Variants in FHIP1A observed in about 807,000 individuals in gnomAD.
FHIP1A encodes FHF complex subunit HOOK-interacting protein 1A.
A neutral mutation model predicts 88.6 loss-of-function variants in FHIP1A; 61 were observed. That is an observed-to-expected ratio of 0.69 (90% CI 0.56 to 0.85). The LOEUF (loss-of-function observed/expected upper bound fraction) is 0.85. Among genes scored for constraint, FHIP1A ranks in the 40% least tolerant of loss-of-function variants. The pLI, the probability that FHIP1A is intolerant of heterozygous loss-of-function variation, is 0.00. For synonymous variants in FHIP1A, 478 were observed against 496.0 expected, an observed-to-expected ratio of 0.96 and a Z score of 0.48; for missense variants, 1,154 against 1,273.5, an observed-to-expected ratio of 0.91 and a Z score of 1.43.
chr4:151,518,242 T>A (rs1731320426), intron 3 of FHIP1A, among the ~76,000 whole-genome samples: 1 of 152,202 alleles, frequency 6.6e-6, no homozygotes, highest in Non-Finnish European at 1.5e-5. Context: ...TTTACCATCA[T>A]GTTACAGTTG....
intron 3 of FHIP1A, among the ~76,000 whole-genome samples, chr4:151,538,267 G>A (rs1732144598): frequency 1.3e-5 from 2 of 152,160 alleles, no homozygotes; most frequent in Non-Finnish European, 2.9e-5. Context: ...TTCTTCAGTT[G>A]TAGAATGAGG....
intron 11 of FHIP1A, among the ~76,000 whole-genome samples, chr4:151,655,991 A>G (rs1737216740): frequency 2.0e-5 from 3 of 152,258 alleles, no homozygotes; most frequent in South Asian, 4.2e-4. Context: ...AAGTATCAAA[A>G]CTGCTCATGG....
At chr4:151,581,397 T>C (rs1197919748) in intron 5 of FHIP1A, among the ~76,000 whole-genome samples, 1 of 152,246 alleles carries the variant, frequency 6.6e-6, no homozygotes, top group Admixed American at 6.5e-5. Flanking sequence ...CACTTGGTGA[T>C]GGGTTTCTAT....
Position 151,664,771 on chromosome 4 carries a change from C to T in FHIP1A, c.*2017C>T, listed in dbSNP as rs905313949. On this transcript the variant is annotated 3_prime_UTR_variant, in exon 14 of 14. Transcript: ENST00000435205. ...TTGGACTTACAAAGTCATAAAATGC[C>T]AACGCCACATCTGTAAATGGAATTC... Among the ~76,000 whole-genome samples, 2 of 152,164 alleles carry T rather than the reference C, an allele frequency of 1.3e-5. No individual in the cohort carries two copies. The highest frequency in any genetic ancestry group is 2.9e-5 in the Non-Finnish European group (2 of 68,020).
intron 4 of FHIP1A, among the ~76,000 whole-genome samples, chr4:151,566,747 T>G (rs1733403594): frequency 2.0e-5 from 3 of 152,216 alleles, no homozygotes. Flanking sequence ...TACACATTTA[T>G]TAAACATTTA....
intron 3 of FHIP1A, among the ~76,000 whole-genome samples, chr4:151,540,526 C>T (rs1043309874): frequency 6.6e-6 from 1 of 152,090 alleles, no homozygotes; most frequent in Non-Finnish European, 1.5e-5. Context: ...AAAAATTTCT[C>T]ATTAAGTGGT....
intron 7 of FHIP1A, among the ~76,000 whole-genome samples, chr4:151,611,099 G>T (rs1015604628): frequency 6.6e-6 from 1 of 152,150 alleles, no homozygotes; most frequent in Non-Finnish European, 1.5e-5. Flanking sequence ...GTGTGTGTGT[G>T]TATGTAGCTA....
intron 3 of FHIP1A, among the ~76,000 whole-genome samples, chr4:151,515,615 C>T (rs1330916923): frequency 3.9e-5 from 6 of 152,148 alleles, no homozygotes; most frequent in Non-Finnish European, 7.4e-5. Context: ...TCTCAGGATA[C>T]AAAATCAATG....
At chr4:151,620,957 A>T (rs988217824) in intron 7 of FHIP1A, among the ~76,000 whole-genome samples, 7 of 151,432 alleles carry the variant, frequency 4.6e-5, no homozygotes, top group African/African-American at 1.7e-4. Context: ...AAATGCAGAG[A>T]GTGGAGGGAA....
intron 3 of FHIP1A, among the ~76,000 whole-genome samples, chr4:151,536,665 T>A (rs1407753593): frequency 6.6e-6 from 1 of 152,228 alleles, no homozygotes; most frequent in Non-Finnish European, 1.5e-5. Context: ...CTGAGTGGTA[T>A]TTCATGGTAT....
chr4:151,538,762 G>GT (rs1732162350), intron 3 of FHIP1A, among the ~76,000 whole-genome samples: 1 of 152,200 alleles, frequency 6.6e-6, no homozygotes, highest in Non-Finnish European at 1.5e-5. Flanking sequence ...ACTGGGGTCA[G>GT]GCGGATGTGA....
In FHIP1A at chr4:151,647,736, A is replaced by AT. The variant is rs1298430853; in HGVS notation, c.1417+994dup. Among the ~76,000 whole-genome samples the AT allele has an allele frequency of 3.3e-5, 5 of 152,300 alleles. No individual in the cohort carries two copies. The East Asian group carries it at 9.6e-4, about 29-fold the overall frequency. On this transcript the variant is annotated intron_variant, in intron 10 of 13. Coordinates refer to ENST00000435205, the MANE Select transcript of FHIP1A (RefSeq NM_001109977.3). ...TCTTATATTTTCATACCTAAAAGTT[A>AT]TTTTTTAAAACATATTTAAAAATTG...
chr4:151,412,472 G>A (rs1005205195), intron 1 of FHIP1A, among the ~76,000 whole-genome samples: 1 of 152,038 alleles, frequency 6.6e-6, no homozygotes, highest in African/African-American at 2.4e-5. Flanking sequence ...CCTGAATTCA[G>A]GATTTCTGAT....
chr4:151,413,131 T>A (rs1426104413), intron 1 of FHIP1A, among the ~76,000 whole-genome samples: 7 of 152,226 alleles, frequency 4.6e-5, no homozygotes, highest in Non-Finnish European at 1.0e-4. Context: ...ACAGTATAGC[T>A]GTGCAATAAA....
intron 7 of FHIP1A, among the ~76,000 whole-genome samples, chr4:151,623,316 G>A (rs1411461814): frequency 1.3e-5 from 2 of 152,084 alleles, no homozygotes; most frequent in African/African-American, 4.8e-5. Flanking sequence ...GAATCTTTGG[G>A]GCTGAGGTAG....
chr4:151,646,800 C>T, intron 10 of FHIP1A, 52 bp downstream of exon 10: 6 of 1,295,908 alleles, frequency 4.6e-6, no homozygotes, highest in East Asian at 2.5e-5. Context: ...AGTTCCATCT[C>T]GCCTTGGGAT....
intron 3 of FHIP1A, among the ~76,000 whole-genome samples, chr4:151,530,933 C>T (rs991635913): frequency 4.8e-5 from 4 of 84,112 alleles, no homozygotes; most frequent in African/African-American, 1.2e-4. Flanking sequence ...AGGATAATTG[C>T]CACATTTCTT....
At chr4:151,410,232 C>T (rs906910049) in intron 1 of FHIP1A, among the ~76,000 whole-genome samples, 1 of 152,246 alleles carries the variant, frequency 6.6e-6, no homozygotes, top group Admixed American at 6.5e-5. Flanking sequence ...CACCCATTCA[C>T]AGCAGATCTA....
intron 1 of FHIP1A, among the ~76,000 whole-genome samples, chr4:151,432,775 G>A (rs1733641408): frequency 6.6e-6 from 1 of 152,136 alleles, no homozygotes; most frequent in African/African-American, 2.4e-5. Context: ...TGTTTAGGAT[G>A]GTAAGGTTGA....
Sources: allele counts gnomAD v4.1 joint callset (sites outside exome capture counted in the v4.1 genomes callset), GRCh38; gene constraint gnomAD v4.1.1; transcripts MANE v1.5; gene names NCBI Gene and HGNC (gene_info 2026-07-23, HGNC 2026-07-21).